ZNF318: variants seen among roughly 807,000 people sequenced by gnomAD.
The protein encoded by ZNF318 is endocrine regulator.
Under a neutral mutation model 124.2 loss-of-function variants are expected in ZNF318, and 51 were observed. That is an observed-to-expected ratio of 0.41 (90% CI 0.33 to 0.52). The LOEUF (loss-of-function observed/expected upper bound fraction) is 0.52, where lower values mean the gene tolerates loss of function less well. Ranked by LOEUF, ZNF318 falls within the 20% of genes least tolerant of loss-of-function variation. The pLI, the probability that ZNF318 is intolerant of heterozygous loss-of-function variation, is 0.23. For synonymous variants in ZNF318, 1,090 were observed against 1,040.7 expected (o/e 1.05, Z -0.91); for missense variants, 2,815 against 2,811.2 (o/e 1.00, Z -0.03).
chr6:43,351,557 T>TTGAGACCAGCCTGGACAAAATGA (rs1779524649), intron 5 of ZNF318, among the ~76,000 whole-genome samples: 2 of 151,986 alleles, frequency 1.3e-5, no homozygotes, highest in South Asian at 4.2e-4. Flanking sequence ...GGCCAGGAGT[T>TTGAGACCAGCCTGGACAAAATGA]TGAGACCAGC....
At position 43,355,200 on chromosome 6, in the gene ZNF318, A is replaced by G; in HGVS notation, c.2134T>C (p.Phe712Leu). The G allele has an allele frequency of 6.2e-7, 1 of 1,614,206 alleles. No homozygotes were observed. The highest frequency in any genetic ancestry group is 1.3e-5 in the African/African-American group (1 of 75,056). Residue 712 changes from phenylalanine to leucine, a missense_variant, in exon 4 of 10, where the codon TTC (phenylalanine) becomes CTC (leucine). Phe to Leu is a conservative substitution (Grantham distance 22). Around this residue, in one of 4 missense-constraint regions of ZNF318, gnomAD observed 1,377 missense variants for 1,353.5 expected, o/e 1.02. Coordinates refer to ENST00000361428, the MANE Select transcript of ZNF318 (RefSeq NM_014345.3). ...PYLLTKNSPP[F>L]LKSDHPVGHI... ...CCCACTGGATGGTCAGACTTTAGGA[A>G]TGGAGGGCTGTTTTTTGTGAGCAGG... is the stretch of plus-strand genomic sequence containing the variant.
chr6:43,366,988 A>C (rs938283843), intron 1 of ZNF318, among the ~76,000 whole-genome samples: 12 of 152,034 alleles, frequency 7.9e-5, no homozygotes, highest in African/African-American at 2.7e-4. Flanking sequence ...AGTAGCTGGG[A>C]CTACAGGTGC....
At position 43,354,985 on chromosome 6, in the gene ZNF318, A is replaced by G. The variant is rs766520782; in HGVS notation, c.2349T>C (p.Ile783=). 29 of 1,610,042 alleles carry G rather than the reference A, an allele frequency of 1.8e-5. No homozygotes were observed. Among genetic ancestry groups the G allele is most frequent in the Non-Finnish European group, 2.1e-5 (25 of 1,177,780 alleles). Residue 783 remains isoleucine, a synonymous_variant, in exon 4 of 10, where the codon ATT becomes ATC. Coordinates refer to ENST00000361428, the MANE Select transcript of ZNF318 (RefSeq NM_014345.3). ...TATAGGCATCAAAAGAGGCAGGGGG[A>G]ATGGCAGGTCCCTGGTAGTTCGGAG... ...RIPPNYQGPA[I]PPASFDAYRH...
intron 3 of ZNF318, among the ~76,000 whole-genome samples, chr6:43,356,382 T>C (rs1018375903): frequency 3.9e-5 from 6 of 152,302 alleles, no homozygotes; most frequent in Middle Eastern, 3.4e-3. Flanking sequence ...CTCACCTTTA[T>C]CTATTTGTTA....
In ZNF318 at chr6:43,345,777, T is replaced by C. The variant is rs566125700; in HGVS notation, c.3072+2547A>G. On this transcript the variant is annotated intron_variant, in intron 6 of 9. Coordinates refer to ENST00000361428, the MANE Select transcript of ZNF318 (RefSeq NM_014345.3). ...TGTACTATGTGCTAGACATATTGTA[T>C]GCAATGGGAAACACAAAGATAAAAA... 5.3e-5 allele frequency among the ~76,000 whole-genome samples: 8 copies of C among 152,318 alleles called. No homozygotes were observed. In the South Asian group the frequency reaches 1.7e-3, roughly 32 times the overall value.
Position 43,357,361 on chromosome 6 carries a change from A to C in ZNF318, c.953T>G (p.Leu318Arg). The C allele has an allele frequency of 6.2e-7, 1 of 1,614,158 alleles. No homozygotes were observed. The highest frequency in any genetic ancestry group is 8.5e-7 in the Non-Finnish European group (1 of 1,180,028). Residue 318 changes from leucine (L) to arginine (R), a missense_variant, in exon 3 of 10, where the codon CTG becomes CGG. By Grantham distance (102) the Leu-to-Arg change is moderately radical (BLOSUM62 -2). Coordinates refer to ENST00000361428, the MANE Select transcript of ZNF318 (RefSeq NM_014345.3). ...CTCTCGCTTTCGTCTGGCAAGATCC[A>C]GTTCTCGAAACTCAGGGTCGAGAAA... The part of the protein sequence containing the change: ...PRFLDPEFRE[L>R]DLARRKREEE...
rs529585396 is a variant in ZNF318 at position 43,357,691 on chromosome 6, T to A, written c.623A>T (p.Gln208Leu). 6.2e-7 allele frequency: 1 copy of A among 1,612,480 alleles called. No individual in the cohort carries two copies. Among genetic ancestry groups the A allele is most frequent in the African/African-American group, 1.3e-5 (1 of 74,888 alleles). Residue 208 changes from glutamine (Q) to leucine (L), a missense_variant, in exon 3 of 10, where the codon CAG becomes CTG. By Grantham distance (113) the Gln-to-Leu change is moderately radical. This residue lies in a region of ZNF318 where 1,377 missense variants were observed against 1,353.5 expected (regional missense o/e 1.02). Transcript: ENST00000361428. ...CSRGLERYIS[Q>L]EEGPLSPFLG... is the part of the protein sequence containing the mutation. ...GAAGGGACTGAGAGGCCCTTCCTCC[T>A]GGGAAATATATCGCTCAAGACCCCG...
intron 6 of ZNF318, among the ~76,000 whole-genome samples, chr6:43,346,524 C>CAAA (rs59587962): frequency 1.2e-3 from 123 of 104,486 alleles, no homozygotes; most frequent in African/African-American, 2.3e-3. Context: ...CATCTTTAAC[C>CAAA]AAAAAAAAAA....
rs1779616979 is a variant in ZNF318 at position 43,357,038 on chromosome 6, C to G, written c.1188+88G>C. On this transcript the variant is annotated intron_variant, in intron 3 of 9. Coordinates refer to ENST00000361428, the MANE Select transcript of ZNF318 (RefSeq NM_014345.3). The stretch of plus-strand genomic sequence containing the variant: ...GGTCCAGCACATATTACAAAGATAC[C>G]ATTAGGAACATAGCCCACAGGAAAG... The G allele has an allele frequency of 1.2e-5, 17 of 1,435,158 alleles. No homozygotes were observed. In the South Asian group the frequency reaches 1.9e-4, roughly 16 times the overall value. 88.9% of individuals were successfully genotyped at this position (1,435,158 alleles called of 1,614,324 possible). A position where few individuals can be genotyped will look rare whatever the true frequency, so the allele number is the denominator to read the frequency against.
Position 43,338,560 on chromosome 6 carries a change from T to C in ZNF318, c.5438A>G (p.His1813Arg), listed in dbSNP as rs769166494. 1.2e-6 allele frequency: 2 copies of C among 1,614,226 alleles called. No homozygotes were observed. The highest frequency in any genetic ancestry group is 1.7e-6 in the Non-Finnish European group (2 of 1,180,042). ...PHSIDDSNLN[H>R]GNRYMWEGEV... is the part of the protein sequence containing the mutation. The stretch of plus-strand genomic sequence containing the variant: ...TCCCTCCCACATGTATCTGTTTCCA[T>C]GGTTCAAATTAGAATCATCTATGCT... Residue 1813 changes from histidine to arginine, a missense_variant, in exon 10 of 10, where the codon CAT becomes CGT. By Grantham distance (29) the His-to-Arg change is conservative (BLOSUM62 0). Coordinates refer to ENST00000361428, the MANE Select transcript of ZNF318 (RefSeq NM_014345.3).
At chr6:43,352,035 T>C (rs923921147) in intron 5 of ZNF318, among the ~76,000 whole-genome samples, 3 of 151,902 alleles carry the variant, frequency 2.0e-5, no homozygotes, top group Admixed American at 1.3e-4. Flanking sequence ...TCTCAGCTAC[T>C]TGGGAGGCTG....
Position 43,339,211 on chromosome 6 carries a change from A to C in ZNF318, c.4787T>G (p.Leu1596Trp). ...GAGGTTGCTATTTTCCCCATTGGCC[A>C]ATGGACCACCACTTAGCTTAGTCTC... is the stretch of plus-strand genomic sequence containing the variant. ...APETKLSGGPLANGENSNLSR... is the reference protein window; with the variant it reads ...APETKLSGGPWANGENSNLSR... The change falls in exon 10 of 10, where the codon TTG (leucine) becomes TGG (tryptophan). Residue 1596 changes from leucine (L) to tryptophan (W), a missense_variant. Leu to Trp is a moderately conservative substitution (Grantham distance 61). Coordinates refer to ENST00000361428, the MANE Select transcript of ZNF318 (RefSeq NM_014345.3). The surrounding 1 kb of genome is among the most constrained non-coding windows in gnomAD (Gnocchi z 4.2). The C allele has an allele frequency of 2.5e-6, 4 of 1,614,192 alleles. No individual in the cohort carries two copies. The highest frequency in any genetic ancestry group is 3.4e-6 in the Non-Finnish European group (4 of 1,180,030).
chr6:43,351,447 A>T (rs1235150392), intron 5 of ZNF318, among the ~76,000 whole-genome samples: 1 of 152,156 alleles, frequency 6.6e-6, no homozygotes, highest in African/African-American at 2.4e-5. Flanking sequence ...AAGGAACATC[A>T]CATCTACAAG....
Position 43,355,285 on chromosome 6 carries a change from ATGATG to A in ZNF318, c.2044_2048del (p.His682Ter). The A allele has an allele frequency of 6.2e-7, 1 of 1,614,182 alleles. No individual in the cohort carries two copies. The highest frequency in any genetic ancestry group is 8.5e-7 in the Non-Finnish European group (1 of 1,180,020). ...ACACCTCTGGAGAGTGGGTATTGCTATGATGTGCCTCCCTGCTCTCTAGTCTGTGG... is the reference window on the plus strand; with the variant it reads ...ACACCTCTGGAGAGTGGGTATTGCTATGCCTCCCTGCTCTCTAGTCTGTGG... On this transcript the variant is annotated frameshift_variant, in exon 4 of 10. Coordinates refer to ENST00000361428, the MANE Select transcript of ZNF318 (RefSeq NM_014345.3). LOFTEE classifies it high-confidence loss of function.
chr6:43,368,369 G>A (rs1454662350), intron 1 of ZNF318, among the ~76,000 whole-genome samples: 1 of 152,186 alleles, frequency 6.6e-6, no homozygotes, highest in East Asian at 1.9e-4. Flanking sequence ...AAAATAATGT[G>A]CAAAGTGAAA....
rs1013121525 is a variant in ZNF318 at position 43,336,966 on chromosome 6, T to C, written c.*192A>G. On this transcript the variant is annotated 3_prime_UTR_variant, in exon 10 of 10. Coordinates refer to ENST00000361428, the MANE Select transcript of ZNF318 (RefSeq NM_014345.3). ...ATATATATAAGTTGTTATCGATTTG[T>C]CTGGTGTTTTAAGGGGAAAGGGAAA... 6.4e-5 allele frequency: 26 copies of C among 408,472 alleles called. No homozygotes were observed. Among genetic ancestry groups the C allele is most frequent in the Non-Finnish European group, 1.1e-4 (26 of 232,864 alleles). 25.3% of individuals were successfully genotyped at this position (408,472 alleles called of 1,614,324 possible).
At position 43,368,953 on chromosome 6, in the gene ZNF318, AGGGGTG is replaced by A; in HGVS notation, c.399+8_399+13del. ...TGGGGGATGGAGGGAGTCCTGGACG[AGGGGTG>A]GGATTACCCGGCTGCCGCTGTCGCC... On this transcript the variant is annotated splice_region_variant and intron_variant, in intron 1 of 9. Coordinates refer to ENST00000361428, the MANE Select transcript of ZNF318 (RefSeq NM_014345.3). 1 of 1,368,962 alleles carries A rather than the reference AGGGGTG, an allele frequency of 7.3e-7. No individual in the cohort carries two copies. The highest frequency in any genetic ancestry group is 9.5e-7 in the Non-Finnish European group (1 of 1,057,128). The allele number at this position is 1,368,962 out of a possible 1,614,324, so 84.8% of individuals were successfully genotyped here.
chr6:43,347,553 A>C (rs1041457927), intron 6 of ZNF318, among the ~76,000 whole-genome samples: 2 of 152,218 alleles, frequency 1.3e-5, no homozygotes, highest in Non-Finnish European at 2.9e-5. Flanking sequence ...GAGAATGCAT[A>C]ACAATGGAGA....
rs539454791 is a variant in ZNF318 at position 43,368,721 on chromosome 6, G to A, written c.399+246C>T. On this transcript the variant is annotated intron_variant, in intron 1 of 9. Coordinates refer to ENST00000361428, the MANE Select transcript of ZNF318 (RefSeq NM_014345.3). ...TTTCCACACCTCACCCGGCATGAGA[G>A]AAACAGCCTATTCCTAAGGAACGGA... The A allele has an allele frequency of 2.6e-5, 26 of 985,474 alleles. No homozygotes were observed. The African/African-American group carries it at 4.2e-4, about 16-fold the overall frequency. 61.0% of individuals were successfully genotyped at this position (985,474 alleles called of 1,614,324 possible). A position where few individuals can be genotyped will look rare whatever the true frequency, so the allele number is the denominator to read the frequency against.
Sources: gnomAD v4.1 joint callset for allele counts (sites outside exome capture counted in the v4.1 genomes callset) on GRCh38, gnomAD v4.1.1 for gene constraint, gnomAD v4.1.1 regional missense constraint, Gnocchi (gnomAD v3.1) non-coding constraint, MANE v1.5 for transcripts, NCBI Gene and HGNC (gene_info 2026-07-23, HGNC 2026-07-21) for gene names.